The following TKT variants were observed in gnomAD, a reference collection of about 807,000 sequenced individuals.
TKT encodes the protein transketolase.
In TKT, 47 loss-of-function variants were observed where a neutral mutation model predicts 63.9. That is an observed-to-expected ratio of 0.74 (90% CI 0.58 to 0.94). TKT has a LOEUF of 0.94. Among genes scored for constraint, TKT ranks in the 40% least tolerant of loss-of-function variants. The pLI is 0.00. For synonymous variants in TKT, 338 were observed against 334.1 expected (o/e 1.01, Z -0.13); for missense variants, 721 against 846.2 (o/e 0.85, Z 1.84).
intron 1 of TKT, among the ~76,000 whole-genome samples, chr3:53,246,586 C>T (rs1176637655): frequency 6.6e-6 from 1 of 152,156 alleles, no homozygotes; most frequent in Non-Finnish European, 1.5e-5. Flanking sequence ...GGTGCGGTGG[C>T]TCAAGCCTGT....
Position 53,226,009 on chromosome 3 carries a change from G to C in TKT, c.1697-78C>G, listed in dbSNP as rs2106652178. On this transcript the variant is annotated intron_variant, in intron 13 of 13. Coordinates refer to ENST00000462138, the MANE Select transcript of TKT (RefSeq NM_001064.4). ...TGGGCCCAGCCCTCTGTCAGCCTTAGTCAAGGATGGAGGAGGCTGCATATG... is the reference window on the plus strand; with the variant it reads ...TGGGCCCAGCCCTCTGTCAGCCTTACTCAAGGATGGAGGAGGCTGCATATG... 5 of 1,431,992 alleles carry C rather than the reference G, an allele frequency of 3.5e-6. No individual in the cohort carries two copies. The South Asian group carries it at 4.0e-5, about 12-fold the overall frequency. The allele number at this position is 1,431,992 out of a possible 1,614,324, so 88.7% of individuals were successfully genotyped here. A position where few individuals can be genotyped will look rare whatever the true frequency, so the allele number is the denominator to read the frequency against.
chr3:53,232,733 A>G, intron 6 of TKT: 1 of 399,230 alleles, frequency 2.5e-6, no homozygotes, highest in Non-Finnish European at 4.4e-6. Context: ...GGAGTACCCC[A>G]CTCACCTCCT....
chr3:53,254,876 G>A (rs567670027), intron 1 of TKT, among the ~76,000 whole-genome samples: 1 of 152,352 alleles, frequency 6.6e-6, no homozygotes, highest in South Asian at 2.1e-4. Context: ...CTCCTTGGGT[G>A]TCCACCTTCT....
At position 53,225,942 on chromosome 3, in the gene TKT, AAGG is replaced by A. The variant is rs782140715; in HGVS notation, c.1697-14_1697-12del. 1 of 1,601,386 alleles carries A rather than the reference AAGG, an allele frequency of 6.2e-7. No individual in the cohort carries two copies. The highest frequency in any genetic ancestry group is 8.5e-7 in the Non-Finnish European group (1 of 1,171,848). On this transcript the variant is annotated splice_polypyrimidine_tract_variant and intron_variant, in intron 13 of 13. Transcript: ENST00000462138. ...CCTCACCAATGCCACCTAGAAATGAAAGGAGGGGAGTCAGAAGACGAGGCCTCA... is the reference window on the plus strand; with the variant it reads ...CCTCACCAATGCCACCTAGAAATGAAAGGGGAGTCAGAAGACGAGGCCTCA...
chr3:53,225,728 G>C lies in TKT; in HGVS notation c.*28C>G. 1.3e-6 allele frequency: 2 copies of C among 1,574,482 alleles called. No homozygotes were observed. The highest frequency in any genetic ancestry group is 1.7e-6 in the Non-Finnish European group (2 of 1,155,056). On this transcript the variant is annotated 3_prime_UTR_variant, in exon 14 of 14. Coordinates refer to ENST00000462138, the MANE Select transcript of TKT (RefSeq NM_001064.4). ...TTTCCCAGAATCTCAGGAATGTATA[G>C]ACCCCCGCCCCACACTTCATACCCG...
chr3:53,238,592 C>T (rs1285243546), intron 4 of TKT, among the ~76,000 whole-genome samples: 1 of 152,236 alleles, frequency 6.6e-6, no homozygotes, highest in Non-Finnish European at 1.5e-5. Flanking sequence ...GAGGACAGGG[C>T]AGTGGAGATG....
chr3:53,235,120 C>T lies in TKT; in HGVS notation c.492G>A (p.Trp164Ter). Reference protein sequence around the residue: ...GDGELSEGSVWEAMAFASIYK... With the variant: ...GDGELSEGSV ...AGATGCTGGCGAAGGCCATGGCCTCCCATACAGAGCCCTCTGACAGCTCCC... is the reference window on the plus strand; with the variant it reads ...AGATGCTGGCGAAGGCCATGGCCTCTCATACAGAGCCCTCTGACAGCTCCC... Residue 164 changes from tryptophan to a stop codon, truncating the protein, a stop_gained, in exon 5 of 14, where the codon TGG becomes TGA. Transcript: ENST00000462138. LOFTEE classifies it high-confidence loss of function. 6.2e-7 allele frequency: 1 copy of T among 1,613,638 alleles called. No homozygotes were observed. Among genetic ancestry groups the T allele is most frequent in the Non-Finnish European group, 8.5e-7 (1 of 1,179,952 alleles).
At chr3:53,247,157 G>C (rs1553681036) in intron 1 of TKT, among the ~76,000 whole-genome samples, 1 of 151,726 alleles carries the variant, frequency 6.6e-6, no homozygotes, top group East Asian at 1.9e-4. Context: ...AGGAGTCTGA[G>C]ACCAGCTTGG....
At chr3:53,237,154 T>A (rs1309655608) in intron 4 of TKT, among the ~76,000 whole-genome samples, 1 of 151,832 alleles carries the variant, frequency 6.6e-6, no homozygotes, top group Admixed American at 6.6e-5. Flanking sequence ...GAGGCTGAAG[T>A]AGGGAGATGA....
intron 2 of TKT, among the ~76,000 whole-genome samples, chr3:53,241,736 G>A (rs1296988108): frequency 6.6e-6 from 1 of 152,204 alleles, no homozygotes; most frequent in East Asian, 1.9e-4. Context: ...GGGGCAAGCC[G>A]TGGCCTCGGG....
intron 10 of TKT, chr3:53,228,799 G>A: frequency 4.3e-6 from 3 of 694,638 alleles, no homozygotes; most frequent in Non-Finnish European, 4.8e-6. Flanking sequence ...GAGACAGACT[G>A]GCAATCAGTT....
chr3:53,228,496 C>A, intron 10 of TKT, 137 bp from the exon 11 acceptor site: 1 of 953,166 alleles, frequency 1.0e-6, no homozygotes. Flanking sequence ...GGGAAAAGGG[C>A]CTTGCTTGCC....
Position 53,243,174 on chromosome 3 carries a change from C to T in TKT, c.108-932G>A, listed in dbSNP as rs1705359148. 2.0e-5 allele frequency among the ~76,000 whole-genome samples: 3 copies of T among 152,184 alleles called. No homozygotes were observed. The South Asian group carries it at 6.2e-4, about 32-fold the overall frequency. On this transcript the variant is annotated intron_variant, in intron 1 of 13. Coordinates refer to ENST00000462138, the MANE Select transcript of TKT (RefSeq NM_001064.4). ...ACTTGTTTTAATCACTGAGCGGCTC[C>T]TGAGCAATAGAAAGCGTAAACTTTC...
rs879954506 is a variant in TKT at position 53,229,278 on chromosome 3, A to G, written c.1264+2T>C. On this transcript the variant is annotated splice_donor_variant, in intron 9 of 13. Coordinates refer to ENST00000462138, the MANE Select transcript of TKT (RefSeq NM_001064.4). LOFTEE classifies it high-confidence loss of function. Reference sequence around the variant, plus strand: ...AGGTGTAAACACCCTGGCTAAACTCACCGATGGAAACGCCGCAGTGGGAGC... The same window carrying G: ...AGGTGTAAACACCCTGGCTAAACTCGCCGATGGAAACGCCGCAGTGGGAGC... The G allele has an allele frequency of 1.2e-6, 2 of 1,613,432 alleles. No homozygotes were observed. Among genetic ancestry groups the G allele is most frequent in the East Asian group, 4.5e-5 (2 of 44,846 alleles).
intron 1 of TKT, among the ~76,000 whole-genome samples, chr3:53,245,372 C>G (rs1420118577): frequency 6.6e-6 from 1 of 151,818 alleles, no homozygotes; most frequent in Non-Finnish European, 1.5e-5. Context: ...TTCCAGATGT[C>G]CCCTGGCCAG....
At chr3:53,233,989 A>C (rs1704892248) in intron 5 of TKT, 1 of 152,276 alleles carries the variant, frequency 6.6e-6, no homozygotes, top group Non-Finnish European at 1.5e-5. Context: ...AAAGCAAGTT[A>C]GCGGTGGAGC....
chr3:53,242,385 C>T (rs1409357266), intron 1 of TKT, 143 bp from the exon 2 acceptor site: 4 of 783,740 alleles, frequency 5.1e-6, no homozygotes, highest in Non-Finnish European at 6.3e-6. Context: ...AGCTCTTGTT[C>T]CCTGGGAGGG....
intron 4 of TKT, among the ~76,000 whole-genome samples, chr3:53,237,213 C>A (rs1325460113): frequency 6.6e-6 from 1 of 151,926 alleles, no homozygotes; most frequent in Non-Finnish European, 1.5e-5. Context: ...CGTCATGAAA[C>A]CCCGTCTCTA....
intron 1 of TKT, among the ~76,000 whole-genome samples, chr3:53,249,371 C>T (rs1553681361): frequency 6.6e-6 from 1 of 151,988 alleles, no homozygotes; most frequent in African/African-American, 2.4e-5. Context: ...CACCTGAGGT[C>T]AGGAATTCAA....
Sources: allele counts gnomAD v4.1 joint callset (sites outside exome capture counted in the v4.1 genomes callset), GRCh38; gene constraint gnomAD v4.1.1; transcripts MANE v1.5; gene names NCBI Gene and HGNC (gene_info 2026-07-23, HGNC 2026-07-21).